The following STAC variants were observed in gnomAD, a reference collection of about 807,000 sequenced individuals.
The protein encoded by STAC is SH3 and cysteine rich domain.
Under a neutral mutation model 48.8 loss-of-function variants are expected in STAC, and 43 were observed. The ratio of observed to expected loss-of-function variants is 0.88; its 90% confidence interval spans 0.69 to 1.14. STAC has a LOEUF of 1.14. Among genes scored for constraint, STAC ranks in the 50% most tolerant of loss-of-function variants. The pLI is 0.00. For missense variants in STAC, 497 were observed against 504.0 expected, an observed-to-expected ratio of 0.99 and a Z score of 0.13; for synonymous variants, 193 against 179.5, an observed-to-expected ratio of 1.07 and a Z score of -0.60.
rs1349154968 is a variant in STAC, at chr3:36,505,828, A to T, written c.914A>T (p.Glu305Val). Reference sequence around the variant, plus strand: ...GTACCACAGGAGAATGAAGATTTGGAAATGAGGTAAAAACCTTCTGTAAAG... The same window carrying T: ...GTACCACAGGAGAATGAAGATTTGGTAATGAGGTAAAAACCTTCTGTAAAG... ...KFVPQENEDL[E>V]MRPGDIITLL... is the part of the protein sequence containing the mutation. The change falls in exon 8 of 11, where the codon GAA becomes GTA. Residue 305 changes from glutamate to valine, a missense_variant. Physicochemically the swap from Glu to Val is moderately radical, Grantham distance 121. Coordinates refer to ENST00000273183, the MANE Select transcript of STAC (RefSeq NM_003149.3). 6.3e-7 allele frequency: 1 copy of T among 1,599,138 alleles called. No homozygotes were observed. The highest frequency in any genetic ancestry group is 1.8e-4 in the Middle Eastern group (1 of 5,626).
Position 36,483,724 on chromosome 3 carries a change from G to T in STAC, c.489+632G>T, listed in dbSNP as rs147971382. Among the ~76,000 whole-genome samples, 98 of 152,286 alleles carry T rather than the reference G, an allele frequency of 6.4e-4. No homozygotes were observed. The East Asian group carries it at 0.015, about 23-fold the overall frequency. On this transcript the variant is annotated intron_variant, in intron 3 of 10. Transcript: ENST00000273183. The stretch of plus-strand genomic sequence containing the variant: ...TCCCAACACTTTGGACACCAAGGTG[G>T]GTTGATCCCTTAAGCCCAGGAGTTC...
At position 36,414,746 on chromosome 3, in the gene STAC, T is replaced by C. The variant is rs555521254; in HGVS notation, c.112-28618T>C. 3.9e-4 allele frequency among the ~76,000 whole-genome samples: 60 copies of C among 152,362 alleles called. 2 individuals are homozygous for C. In the South Asian group the frequency reaches 0.012, roughly 31 times the overall value. On this transcript the variant is annotated intron_variant, in intron 1 of 10. Coordinates refer to ENST00000273183, the MANE Select transcript of STAC (RefSeq NM_003149.3). Reference sequence around the variant, plus strand: ...TTCCTTTGGAGGAGGAGAGGTGCTCTGATTTTTAGAATTTTCAGTTTTTCT... The same window carrying C: ...TTCCTTTGGAGGAGGAGAGGTGCTCCGATTTTTAGAATTTTCAGTTTTTCT...
intron 2 of STAC, among the ~76,000 whole-genome samples, chr3:36,454,193 A>G (rs906676282): frequency 2.0e-5 from 3 of 152,164 alleles, no homozygotes; most frequent in Non-Finnish European, 2.9e-5. Context: ...GCTCTTTGCA[A>G]TAAATCTTGC....
intron 1 of STAC, among the ~76,000 whole-genome samples, chr3:36,400,752 A>G (rs1699985165): frequency 6.6e-6 from 1 of 152,200 alleles, no homozygotes; most frequent in Non-Finnish European, 1.5e-5. Context: ...TTTGAGCACC[A>G]CTGCCATAGA....
At chr3:36,537,969 AT>A (rs1404341923) in intron 10 of STAC, among the ~76,000 whole-genome samples, 4 of 152,044 alleles carry the variant, frequency 2.6e-5, no homozygotes, top group South Asian at 2.1e-4. Flanking sequence ...ACAGAAAAAA[AT>A]ATTTTATATT....
chr3:36,449,049 T>C (rs974843382), intron 2 of STAC, among the ~76,000 whole-genome samples: 7 of 151,700 alleles, frequency 4.6e-5, no homozygotes, highest in African/African-American at 7.3e-5. Flanking sequence ...AGCCCAGGAG[T>C]TCGAGGCTAC....
chr3:36,526,502 G>A (rs1417651241), intron 8 of STAC, among the ~76,000 whole-genome samples: 10 of 152,180 alleles, frequency 6.6e-5, no homozygotes, highest in African/African-American at 2.2e-4. Flanking sequence ...CAAGGAATGA[G>A]AAATGTGGAA....
At chr3:36,451,204 TA>T (rs1696668691) in intron 2 of STAC, among the ~76,000 whole-genome samples, 1 of 152,194 alleles carries the variant, frequency 6.6e-6, no homozygotes, top group African/African-American at 2.4e-5. Flanking sequence ...TTTCGGCAGA[TA>T]TATAATATGT....
chr3:36,491,683 C>A (rs1005701628), intron 5 of STAC, among the ~76,000 whole-genome samples: 3 of 151,860 alleles, frequency 2.0e-5, no homozygotes, highest in African/African-American at 7.3e-5. Context: ...GATAATTTGT[C>A]CCTCTCCGAT....
intron 2 of STAC, among the ~76,000 whole-genome samples, chr3:36,480,404 A>G (rs115427426): frequency 5.5e-4 from 83 of 152,286 alleles, no homozygotes; most frequent in African/African-American, 1.9e-3. Flanking sequence ...CATCATGTTA[A>G]ATGATGCCAT....
chr3:36,480,383 C>G (rs1461409400), intron 2 of STAC, among the ~76,000 whole-genome samples: 1 of 152,164 alleles, frequency 6.6e-6, no homozygotes, highest in Non-Finnish European at 1.5e-5. Context: ...GTGATTATGA[C>G]AGCAGACACA....
chr3:36,466,400 T>C (rs1200343929), intron 2 of STAC, among the ~76,000 whole-genome samples: 1 of 151,850 alleles, frequency 6.6e-6, no homozygotes, highest in Non-Finnish European at 1.5e-5. Context: ...TTTGGTTTCA[T>C]ATGAATTCTA....
intron 2 of STAC, among the ~76,000 whole-genome samples, chr3:36,479,089 CCT>C (rs1697572960): frequency 6.6e-6 from 1 of 152,092 alleles, no homozygotes; most frequent in Admixed American, 6.5e-5. Flanking sequence ...CTGATATTTT[CCT>C]CTGTCTTGAT....
At chr3:36,471,726 C>A (rs1476457008) in intron 2 of STAC, among the ~76,000 whole-genome samples, 1 of 152,204 alleles carries the variant, frequency 6.6e-6, no homozygotes, top group Non-Finnish European at 1.5e-5. Context: ...GACTCCAAGT[C>A]TCATATCCAG....
chr3:36,546,855 GTTCT>G lies in STAC; in HGVS notation c.*575_*578del, dbSNP rs1228068158. ...TTGTGCTGTCCAGAGTGTCCAGCTT[GTTCT>G]TTCTTTCTCTTCAGTCCTCTGAGTA... On this transcript the variant is annotated 3_prime_UTR_variant, in exon 11 of 11. Transcript: ENST00000273183. 1 of 153,816 alleles carries G rather than the reference GTTCT, an allele frequency of 6.5e-6. No individual in the cohort carries two copies. The highest frequency in any genetic ancestry group is 2.4e-5 in the African/African-American group (1 of 41,474). The allele number at this position is 153,816 out of a possible 1,614,324, so 9.5% of individuals were successfully genotyped here. A position where few individuals can be genotyped will look rare whatever the true frequency, so the allele number is the denominator to read the frequency against.
intron 8 of STAC, among the ~76,000 whole-genome samples, chr3:36,513,786 C>A (rs1319914162): frequency 6.6e-6 from 1 of 151,154 alleles, no homozygotes; most frequent in Non-Finnish European, 1.5e-5. Context: ...CCAGTCAGTT[C>A]TTTTTTGTAT....
chr3:36,501,715 T>G (rs916916690), intron 6 of STAC, among the ~76,000 whole-genome samples: 2 of 152,032 alleles, frequency 1.3e-5, no homozygotes, highest in East Asian at 1.9e-4. Context: ...CTACGAAACA[T>G]TTAAGGAAGA....
chr3:36,538,991 T>C (rs926674109), intron 10 of STAC, among the ~76,000 whole-genome samples: 9 of 152,174 alleles, frequency 5.9e-5, no homozygotes, highest in Non-Finnish European at 1.0e-4. Context: ...GTTTCCTTTA[T>C]AGTTTTAGTG....
chr3:36,434,384 TAAA>T (rs914587912), intron 1 of STAC, among the ~76,000 whole-genome samples: 1 of 151,934 alleles, frequency 6.6e-6, no homozygotes, highest in African/African-American at 2.4e-5. Flanking sequence ...AGTTAAAAGG[TAAA>T]AAAGAAAAAA....
Sources: gnomAD v4.1 joint callset for allele counts (sites outside exome capture counted in the v4.1 genomes callset) on GRCh38, gnomAD v4.1.1 for gene constraint, MANE v1.5 for transcripts, NCBI Gene and HGNC (gene_info 2026-07-23, HGNC 2026-07-21) for gene names.